DECR2: variants seen among roughly 807,000 people sequenced by gnomAD.
DECR2 encodes the protein 2,4-dienoyl-CoA reductase 2.
In DECR2, 34 loss-of-function variants were observed where a neutral mutation model predicts 29.2. The observed-to-expected ratio is 1.16, with a 90% CI of 0.89 to 1.55. DECR2 has a LOEUF of 1.55. Among genes scored for constraint, DECR2 ranks in the 40% most tolerant of loss-of-function variants. DECR2 has a pLI of 0.00. For missense variants in DECR2, 485 were observed against 425.3 expected, an observed-to-expected ratio of 1.14 and a Z score of -1.23; for synonymous variants, 224 against 182.7, an observed-to-expected ratio of 1.23 and a Z score of -1.82.
At chr16:408,139 GCCTCTGTCTCCGGC>G in intron 4 of DECR2, among the ~76,000 whole-genome samples, 6 of 23,520 alleles carry the variant, frequency 2.6e-4, no homozygotes, top group African/African-American at 1.2e-3. Flanking sequence ...CTGTCTCCGG[GCCTCTGTCTCCGGC>G]CCCCTGTCTC....
At position 402,552 on chromosome 16, in the gene DECR2, T is replaced by C. The variant is rs146528994; in HGVS notation, c.80+509T>C. On this transcript the variant is annotated intron_variant, in intron 1 of 8. Transcript: ENST00000219481. ...GCTCTTCATTTTCCTGCAAACGCCT[T>C]GGTGTTCACAAGAGAAGGCAGCCCG... 9.4e-3 allele frequency among the ~76,000 whole-genome samples: 1,427 copies of C among 152,166 alleles called. 21 individuals carry two copies. The highest frequency in any genetic ancestry group is 0.033 in the African/African-American group (1,351 of 41,504).
rs942707966 is a variant in DECR2 at position 410,331 on chromosome 16, C to A, written c.426C>A (p.Phe142Leu). ...TGGACATCGATACCAGCGGCACCTT[C>A]AATGTGTCTCGTGTGCTCTATGAGA... Reference protein sequence around the residue: ...TVMDIDTSGTFNVSRVLYEKF... With the variant: ...TVMDIDTSGTLNVSRVLYEKF... The change falls in exon 5 of 9, where the codon TTC becomes TTA. Residue 142 changes from phenylalanine to leucine, a missense_variant. Transcript: ENST00000219481. This position sits in a 1 kb window ranked among gnomAD's most constrained non-coding sequence, Gnocchi z 4.1. 1 of 1,612,872 alleles carries A rather than the reference C, an allele frequency of 6.2e-7. No individual in the cohort carries two copies. The highest frequency in any genetic ancestry group is 1.7e-5 in the Admixed American group (1 of 59,984).
At chr16:407,133 C>A in intron 3 of DECR2, 1 of 1,221,758 alleles carries the variant, frequency 8.2e-7, no homozygotes, top group Non-Finnish European at 1.0e-6. Context: ...AGAGTCTCAC[C>A]TGTGCCACCT....
Position 406,351 on chromosome 16 carries a change from G to T in DECR2, c.155G>T (p.Gly52Val). ...ACCTGCTTCTGGTTTTGCAGGCACG[G>T]CTGCCATACGGTGATTGCCAGTAGG... is the stretch of plus-strand genomic sequence containing the variant. ...FRIAEIFMRH[G>V]CHTVIASRSL... Residue 52 changes from glycine to valine, a missense_variant, in exon 3 of 9, where the codon GGC (glycine) becomes GTC (valine). Physicochemically the swap from Gly to Val is moderately radical, Grantham distance 109. Coordinates refer to ENST00000219481, the MANE Select transcript of DECR2 (RefSeq NM_020664.4). 1 of 1,607,006 alleles carries T rather than the reference G, an allele frequency of 6.2e-7. No individual in the cohort carries two copies.
intron 3 of DECR2, 101 bp downstream of exon 3, chr16:406,498 CA>C: frequency 7.7e-7 from 1 of 1,300,062 alleles, no homozygotes; most frequent in Non-Finnish European, 1.1e-6. Flanking sequence ...ATGTTGGCAC[CA>C]AAACTTTTTT....
chr16:407,840 T>C (rs2054748366), intron 4 of DECR2, among the ~76,000 whole-genome samples: 1 of 138,186 alleles, frequency 7.2e-6, no homozygotes, highest in Non-Finnish European at 1.5e-5. Flanking sequence ...TCCGGCCCCC[T>C]GTCTCTGGGC....
intron 2 of DECR2, chr16:405,560 T>G (rs1354175859): frequency 7.7e-7 from 1 of 1,304,564 alleles, no homozygotes; most frequent in East Asian, 5.5e-5. Flanking sequence ...GGGACCTGCC[T>G]AGCAGGGGTA....
In DECR2 at chr16:411,520, C is replaced by G. The variant is rs371689200; in HGVS notation, c.821C>G (p.Thr274Arg). ...GTGGCCGATGGCGGGGCATGGTTGA[C>G]GTTCCCAAACGGTGTCAAAGGGCTG... is the stretch of plus-strand genomic sequence containing the variant. ...VLVADGGAWL[T>R]FPNGVKGLPD... The change falls in exon 8 of 9, where the codon ACG becomes AGG. Residue 274 changes from threonine to arginine, a missense_variant. Coordinates refer to ENST00000219481, the MANE Select transcript of DECR2 (RefSeq NM_020664.4). The G allele has an allele frequency of 1.2e-6, 2 of 1,614,060 alleles. No individual in the cohort carries two copies. The highest frequency in any genetic ancestry group is 1.7e-6 in the Non-Finnish European group (2 of 1,180,002).
chr16:408,445 G>A (rs1218725391), intron 4 of DECR2, among the ~76,000 whole-genome samples: 1 of 151,916 alleles, frequency 6.6e-6, no homozygotes, highest in Non-Finnish European at 1.5e-5. Context: ...CCAAGTGGAC[G>A]CCATGAACAC....
At position 410,802 on chromosome 16, in the gene DECR2, C is replaced by T. The variant is rs759736356; in HGVS notation, c.556+18C>T. On this transcript the variant is annotated intron_variant, in intron 6 of 8. Coordinates refer to ENST00000219481, the MANE Select transcript of DECR2 (RefSeq NM_020664.4). This position sits in a 1 kb window ranked among gnomAD's most constrained non-coding sequence, Gnocchi z 4.1. Reference sequence around the variant, plus strand: ...CGCTGTGGGTATGACCACCCCCCCCCGCCCAGGTTTGCCCACGTGGGTCCC... The same window carrying T: ...CGCTGTGGGTATGACCACCCCCCCCTGCCCAGGTTTGCCCACGTGGGTCCC... The T allele has an allele frequency of 1.9e-5, 29 of 1,565,080 alleles. No homozygotes were observed. The highest frequency in any genetic ancestry group is 7.6e-5 in the Admixed American group (4 of 52,958).
intron 4 of DECR2, chr16:409,879 T>C: frequency 4.4e-6 from 1 of 227,000 alleles, no homozygotes. Flanking sequence ...CCGTGGCGTG[T>C]GTCTGTGTGT....
At chr16:402,122 G>A (rs576165458) in intron 1 of DECR2, 79 bp downstream of exon 1, 4 of 1,178,102 alleles carry the variant, frequency 3.4e-6, no homozygotes, top group South Asian at 2.3e-5. Context: ...CGTGGTCCCC[G>A]AGGGCTCGCG....
chr16:402,689 A>C (rs2054682051), intron 1 of DECR2, among the ~76,000 whole-genome samples: 2 of 151,796 alleles, frequency 1.3e-5, no homozygotes, highest in African/African-American at 4.8e-5. Context: ...TTTCTATTAA[A>C]ATTTTGATCT....
rs2054804761 is a variant in DECR2 at position 410,612 on chromosome 16, CCT to C, written c.463-78_463-77del. ...GCCCGCTCCCTGCCCCGGGCCTCCC[CCT>C]GACAGCCACCCGCTCACTGTCCTGT... On this transcript the variant is annotated intron_variant, in intron 5 of 8. Coordinates refer to ENST00000219481, the MANE Select transcript of DECR2 (RefSeq NM_020664.4). The surrounding 1 kb of genome is among the most constrained non-coding windows in gnomAD (Gnocchi z 4.1). 5 of 1,443,882 alleles carry C rather than the reference CCT, an allele frequency of 3.5e-6. No homozygotes were observed. The highest frequency in any genetic ancestry group is 3.9e-5 in the Admixed American group (2 of 50,646). 89.4% of individuals were successfully genotyped at this position (1,443,882 alleles called of 1,614,324 possible). A position where few individuals can be genotyped will look rare whatever the true frequency, so the allele number is the denominator to read the frequency against.
rs1217957838 is a variant in DECR2, at chr16:411,389, G to A, written c.690G>A (p.Lys230=). The A allele has an allele frequency of 1.2e-6, 2 of 1,611,054 alleles. No homozygotes were observed. The highest frequency in any genetic ancestry group is 1.7e-5 in the Admixed American group (1 of 59,996). Residue 230 remains lysine (K), a synonymous_variant, in exon 8 of 9, where the codon AAG becomes AAA. Transcript: ENST00000219481. ...LGGPQASLST[K]VTASPLQRLG... The stretch of plus-strand genomic sequence containing the variant: ...GCCCTCAGGCCAGCCTGAGCACCAA[G>A]GTCACTGCCAGCCCGCTGCAGAGGC...
At chr16:408,587 AG>A (rs2054772468) in intron 4 of DECR2, among the ~76,000 whole-genome samples, 1 of 149,728 alleles carries the variant, frequency 6.7e-6, no homozygotes, top group Non-Finnish European at 1.5e-5. Context: ...GGCTTACTGC[AG>A]CCTCCACCTT....
intron 8 of DECR2, 66 bp downstream of exon 8, chr16:411,644 G>T: frequency 6.5e-7 from 1 of 1,532,290 alleles, no homozygotes; most frequent in Non-Finnish European, 8.9e-7. Flanking sequence ...GCATGGGCAG[G>T]TCTCTGCGGG....
In DECR2 at chr16:410,745, G is replaced by T. The variant is rs1490168238; in HGVS notation, c.517G>T (p.Ala173Ser). The T allele has an allele frequency of 1.9e-6, 3 of 1,607,200 alleles. No individual in the cohort carries two copies. Among genetic ancestry groups the T allele is most frequent in the Non-Finnish European group, 2.5e-6 (3 of 1,178,504 alleles). Residue 173 changes from alanine to serine, a missense_variant, in exon 6 of 9, where the codon GCG becomes TCG. Physicochemically the swap from Ala to Ser is moderately conservative, Grantham distance 99 (BLOSUM62 1). Transcript: ENST00000219481. This position sits in a 1 kb window ranked among gnomAD's most constrained non-coding sequence, Gnocchi z 4.1. Reference protein sequence around the residue: ...ITATLGNRGQALQVHAGSAKA... With the variant: ...ITATLGNRGQSLQVHAGSAKA... Reference sequence around the variant, plus strand: ...TGCCACCCTGGGGAACCGGGGGCAGGCGCTCCAGGTGCATGCAGGCTCCGC... The same window carrying T: ...TGCCACCCTGGGGAACCGGGGGCAGTCGCTCCAGGTGCATGCAGGCTCCGC...
intron 4 of DECR2, among the ~76,000 whole-genome samples, chr16:407,835 C>T (rs113688649): frequency 7.2e-6 from 1 of 138,616 alleles, no homozygotes; most frequent in East Asian, 2.3e-4. Flanking sequence ...GCATCTCCGG[C>T]CCCCTGTCTC....
Sources: allele counts gnomAD v4.1 joint callset (sites outside exome capture counted in the v4.1 genomes callset), GRCh38; gene constraint gnomAD v4.1.1; non-coding constraint Gnocchi (gnomAD v3.1); transcripts MANE v1.5; gene names NCBI Gene and HGNC (gene_info 2026-07-23, HGNC 2026-07-21).